The following CDCA2 variants were observed in gnomAD, a reference collection of about 807,000 sequenced individuals.
CDCA2 encodes the protein cell division cycle-associated protein 2.
CDCA2 carries 44 observed loss-of-function variants against 67.0 expected under a neutral mutation model. That is an observed-to-expected ratio of 0.66 (90% confidence interval 0.52 to 0.84). The LOEUF is 0.84. Ranked by LOEUF, CDCA2 falls within the 40% of genes least tolerant of loss-of-function variation. The pLI, the probability that CDCA2 is intolerant of heterozygous loss-of-function variation, is 0.00. For synonymous variants in CDCA2, 447 were observed against 418.7 expected (o/e 1.07, Z -0.82); for missense variants, 1,253 against 1,203.2 (o/e 1.04, Z -0.61).
chr8:25,479,744 T>G (rs1322309466), intron 7 of CDCA2, 169 bp from the exon 8 acceptor site: 8 of 641,160 alleles, frequency 1.2e-5, no homozygotes, highest in Non-Finnish European at 2.1e-5. Flanking sequence ...CTTCTTTACC[T>G]CCTTTTCTGT....
intron 10 of CDCA2, among the ~76,000 whole-genome samples, chr8:25,485,341 C>T (rs1390039913): frequency 6.6e-6 from 1 of 151,884 alleles, no homozygotes; most frequent in Non-Finnish European, 1.5e-5. Flanking sequence ...AATGTCTTAC[C>T]AACAATTATG....
chr8:25,488,789 T>C, intron 13 of CDCA2, 100 bp downstream of exon 13: 1 of 1,225,378 alleles, frequency 8.2e-7, no homozygotes, highest in Non-Finnish European at 1.1e-6. Flanking sequence ...CAGTTGACTT[T>C]GGACCAAGAT....
intron 7 of CDCA2, among the ~76,000 whole-genome samples, chr8:25,475,956 G>A (rs141387825): frequency 7.9e-5 from 12 of 152,312 alleles, no homozygotes; most frequent in African/African-American, 2.9e-4. Context: ...GAAGCCAAAC[G>A]TCTGCTTCCC....
chr8:25,476,728 A>C (rs932766353), intron 7 of CDCA2, among the ~76,000 whole-genome samples: 3 of 151,612 alleles, frequency 2.0e-5, no homozygotes, highest in Non-Finnish European at 4.4e-5. Context: ...TAATTTTTGT[A>C]TTTTTAGTAG....
chr8:25,463,459 C>T (rs558592488), intron 4 of CDCA2, among the ~76,000 whole-genome samples: 5 of 152,264 alleles, frequency 3.3e-5, no homozygotes, highest in South Asian at 2.1e-4. Flanking sequence ...AACAGTTCTA[C>T]GGTGCTGCCA....
At chr8:25,492,269 G>A (rs1417352669) in intron 13 of CDCA2, among the ~76,000 whole-genome samples, 1 of 144,892 alleles carries the variant, frequency 6.9e-6, no homozygotes, top group Non-Finnish European at 1.5e-5. Context: ...ATTTTTCTTT[G>A]GATGCTACTG....
At position 25,462,353 on chromosome 8, in the gene CDCA2, G is replaced by A. The variant is rs556919005; in HGVS notation, c.387+145G>A. ...GAGAACATGCAGTTAGCGGCCGGGC[G>A]CGGTGGCTCACGCCTATAATCCCAG... On this transcript the variant is annotated intron_variant, in intron 4 of 14. Coordinates refer to ENST00000330560, the MANE Select transcript of CDCA2 (RefSeq NM_152562.4). The A allele has an allele frequency of 3.7e-4, 325 of 889,028 alleles. 5 individuals are homozygous for A. Among genetic ancestry groups the A allele is most frequent in the Middle Eastern group, 3.5e-3 (11 of 3,154 alleles). The allele number at this position is 889,028 out of a possible 1,614,324, so 55.1% of individuals were successfully genotyped here.
intron 7 of CDCA2, among the ~76,000 whole-genome samples, chr8:25,472,364 A>G (rs929238515): frequency 1.3e-5 from 2 of 151,140 alleles, no homozygotes; most frequent in African/African-American, 4.9e-5. Flanking sequence ...CCATTCTCCC[A>G]CCTCAGCCTC....
At chr8:25,485,210 AAAG>A (rs988054023) in intron 10 of CDCA2, among the ~76,000 whole-genome samples, 2 of 34,558 alleles carry the variant, frequency 5.8e-5, no homozygotes, top group East Asian at 3.9e-4. Context: ...TAATAATAAT[AAAG>A]AAAAAGCATT....
At chr8:25,485,184 A>G (rs1210249640) in intron 10 of CDCA2, among the ~76,000 whole-genome samples, 1 of 84,502 alleles carries the variant, frequency 1.2e-5, no homozygotes, top group African/African-American at 3.9e-5. Context: ...TTAAAGTATA[A>G]TAATAATAAT....
chr8:25,496,449 A>G (rs1218123283), intron 13 of CDCA2, among the ~76,000 whole-genome samples: 3 of 152,204 alleles, frequency 2.0e-5, no homozygotes, highest in Admixed American at 2.0e-4. Context: ...AAGCTGCTTA[A>G]AACGTTTGAT....
At chr8:25,490,422 G>T (rs1803955829) in intron 13 of CDCA2, among the ~76,000 whole-genome samples, 1 of 151,738 alleles carries the variant, frequency 6.6e-6, no homozygotes, top group African/African-American at 2.4e-5. Flanking sequence ...GCCGACGACA[G>T]CCTTCAATGA....
intron 10 of CDCA2, among the ~76,000 whole-genome samples, chr8:25,485,369 CTG>C (rs1803732387): frequency 1.3e-5 from 2 of 151,938 alleles, no homozygotes; most frequent in African/African-American, 4.8e-5. Flanking sequence ...GATTTGCTAT[CTG>C]TATTTATATT....
intron 13 of CDCA2, among the ~76,000 whole-genome samples, chr8:25,488,952 C>T (rs1176791937): frequency 1.3e-5 from 2 of 152,162 alleles, no homozygotes; most frequent in African/African-American, 2.4e-5. Context: ...CTGAAATTCT[C>T]ATTCTCATCT....
intron 12 of CDCA2, among the ~76,000 whole-genome samples, chr8:25,488,349 G>GGTCT (rs1803862529): frequency 6.6e-6 from 1 of 151,866 alleles, no homozygotes; most frequent in Non-Finnish European, 1.5e-5. Context: ...TATACTTCTG[G>GGTCT]GTCTGCATTT....
intron 13 of CDCA2, among the ~76,000 whole-genome samples, chr8:25,495,230 T>C (rs1586519379): frequency 6.6e-6 from 1 of 152,192 alleles, no homozygotes; most frequent in Non-Finnish European, 1.5e-5. Context: ...GTGTGTACTG[T>C]TTTTCAGTTT....
intron 13 of CDCA2, among the ~76,000 whole-genome samples, chr8:25,499,198 T>G (rs189836946): frequency 2.9e-4 from 44 of 151,532 alleles, no homozygotes; most frequent in African/African-American, 1.0e-3. Context: ...GAGCTAAAAG[T>G]GGAGCCAGCA....
chr8:25,495,860 G>A (rs1804202552), intron 13 of CDCA2, among the ~76,000 whole-genome samples: 1 of 152,128 alleles, frequency 6.6e-6, no homozygotes, highest in African/African-American at 2.4e-5. Context: ...TGTGCACTCA[G>A]AGACAAAAGA....
intron 7 of CDCA2, among the ~76,000 whole-genome samples, chr8:25,477,809 T>C (rs1281076719): frequency 6.6e-6 from 1 of 152,206 alleles, no homozygotes; most frequent in Admixed American, 6.5e-5. Context: ...GTCTTGATGA[T>C]TTTTTCCTTC....
Sources: gnomAD v4.1 joint callset for allele counts (sites outside exome capture counted in the v4.1 genomes callset) on GRCh38, gnomAD v4.1.1 for gene constraint, MANE v1.5 for transcripts, NCBI Gene and HGNC (gene_info 2026-07-23, HGNC 2026-07-21) for gene names.